NDUFAF2: variants seen among roughly 807,000 people sequenced by gnomAD.
NDUFAF2 encodes NADH:ubiquinone oxidoreductase complex assembly factor 2.
A neutral mutation model predicts 22.8 loss-of-function variants in NDUFAF2; 13 were observed. That is an observed-to-expected ratio of 0.57 (90% CI 0.37 to 0.91). The LOEUF (loss-of-function observed/expected upper bound fraction) is 0.91. Among genes scored for constraint, NDUFAF2 ranks in the 40% least tolerant of loss-of-function variants. NDUFAF2 has a pLI of 0.01. For missense variants in NDUFAF2, 162 were observed against 195.2 expected, an observed-to-expected ratio of 0.83 and a Z score of 1.01; for synonymous variants, 53 against 64.2, an observed-to-expected ratio of 0.83 and a Z score of 0.84.
chr5:60,952,768 A>C (rs1479266321), intron 1 of NDUFAF2, among the ~76,000 whole-genome samples: 1 of 152,148 alleles, frequency 6.6e-6, no homozygotes, highest in Admixed American at 6.5e-5. Flanking sequence ...TATTCTATCA[A>C]TTATTGAAAA....
At chr5:61,069,898 T>C (rs1752274549) in intron 1 of NDUFAF2, among the ~76,000 whole-genome samples, 1 of 152,142 alleles carries the variant, frequency 6.6e-6, no homozygotes, top group African/African-American at 2.4e-5. Context: ...AGCTTTTTCT[T>C]TTTTTAAAGT....
intron 1 of NDUFAF2, among the ~76,000 whole-genome samples, chr5:60,966,673 A>G (rs1392019737): frequency 6.6e-6 from 1 of 152,088 alleles, no homozygotes; most frequent in Non-Finnish European, 1.5e-5. Flanking sequence ...TGGTAAATGC[A>G]TGGCTTTATT....
chr5:60,958,974 A>G (rs943078392), intron 1 of NDUFAF2, among the ~76,000 whole-genome samples: 2 of 152,138 alleles, frequency 1.3e-5, no homozygotes, highest in Non-Finnish European at 2.9e-5. Flanking sequence ...ATAAGGATGA[A>G]TATATCAAAA....
At chr5:61,008,466 G>A (rs1056049256) in intron 1 of NDUFAF2, among the ~76,000 whole-genome samples, 10 of 152,052 alleles carry the variant, frequency 6.6e-5, no homozygotes, top group Non-Finnish European at 1.2e-4. Context: ...GAGCTTTACA[G>A]CCTTTAGAAT....
At chr5:61,007,630 G>A (rs1432708337) in intron 1 of NDUFAF2, among the ~76,000 whole-genome samples, 1 of 152,056 alleles carries the variant, frequency 6.6e-6, no homozygotes, top group Non-Finnish European at 1.5e-5. Context: ...TAGAATGGCA[G>A]TCATTAAAAA....
chr5:61,001,937 T>C (rs967863271), intron 1 of NDUFAF2, among the ~76,000 whole-genome samples: 5 of 152,152 alleles, frequency 3.3e-5, no homozygotes, highest in African/African-American at 1.2e-4. Flanking sequence ...TCATATTTCC[T>C]TAGCAGCTGG....
intron 1 of NDUFAF2, among the ~76,000 whole-genome samples, chr5:61,061,197 A>T (rs1419073036): frequency 1.3e-5 from 2 of 152,194 alleles, no homozygotes; most frequent in Non-Finnish European, 1.5e-5. Context: ...TGCAGAAGAA[A>T]GGGAAACTTT....
At chr5:61,045,302 A>AAATAAAATAAAATTTTATTAAATTTT (rs1212410721) in intron 1 of NDUFAF2, among the ~76,000 whole-genome samples, 2 of 147,520 alleles carry the variant, frequency 1.4e-5, no homozygotes, top group African/African-American at 4.9e-5. Flanking sequence ...AATTTTAATA[A>AAATAAAATAAAATTTTATTAAATTTT]AATAAAATAA....
At chr5:60,959,158 T>A (rs1037815447) in intron 1 of NDUFAF2, among the ~76,000 whole-genome samples, 3 of 152,094 alleles carry the variant, frequency 2.0e-5, no homozygotes, top group Admixed American at 1.3e-4. Context: ...ATAAGTCAAG[T>A]CTCTTGTTTT....
intron 1 of NDUFAF2, among the ~76,000 whole-genome samples, chr5:61,035,208 A>G (rs1413038092): frequency 2.0e-5 from 3 of 151,748 alleles, no homozygotes; most frequent in African/African-American, 7.3e-5. Context: ...CTGGGATTAC[A>G]GGCATGCTCC....
intron 3 of NDUFAF2, among the ~76,000 whole-genome samples, chr5:61,147,341 T>G (rs1308195619): frequency 1.3e-5 from 2 of 151,526 alleles, no homozygotes; most frequent in Non-Finnish European, 2.9e-5. Flanking sequence ...TTTGACCTCC[T>G]GGGCTCAAGT....
intron 1 of NDUFAF2, among the ~76,000 whole-genome samples, chr5:61,003,645 CTTTT>C (rs33941286): frequency 1.6e-5 from 2 of 121,762 alleles, no homozygotes; most frequent in African/African-American, 3.1e-5. Context: ...AAAATCTATA[CTTTT>C]TTTTTTTTTT....
chr5:61,066,063 C>T (rs1198669800), intron 1 of NDUFAF2, among the ~76,000 whole-genome samples: 1 of 151,876 alleles, frequency 6.6e-6, no homozygotes, highest in Non-Finnish European at 1.5e-5. Context: ...CATTTTAATA[C>T]ACAACCTAAC....
chr5:61,124,417 A>G (rs1753010783), intron 3 of NDUFAF2, among the ~76,000 whole-genome samples: 1 of 152,008 alleles, frequency 6.6e-6, no homozygotes, highest in African/African-American at 2.4e-5. Context: ...ATGTCAGATT[A>G]TGGAAAGATT....
intron 2 of NDUFAF2, among the ~76,000 whole-genome samples, chr5:61,091,363 TTAA>T (rs1056451636): frequency 1.1e-4 from 17 of 152,206 alleles, no homozygotes; most frequent in African/African-American, 4.1e-4. Context: ...TTTTGACTTT[TTAA>T]TAATAGCCAT....
intron 2 of NDUFAF2, among the ~76,000 whole-genome samples, chr5:61,095,658 C>T (rs1439307534): frequency 6.6e-6 from 1 of 152,196 alleles, no homozygotes. Flanking sequence ...GTCCACACAG[C>T]TCTGTGTCAG....
chr5:61,043,074 G>A (rs572601059), intron 1 of NDUFAF2, among the ~76,000 whole-genome samples: 89 of 152,230 alleles, frequency 5.8e-4, no homozygotes, highest in African/African-American at 2.1e-3. Context: ...ACAAAAATTA[G>A]CCAGGCATGG....
intron 1 of NDUFAF2, among the ~76,000 whole-genome samples, chr5:60,999,309 C>T (rs759884722): frequency 6.6e-6 from 1 of 152,008 alleles, no homozygotes; most frequent in East Asian, 1.9e-4. Context: ...AGGCAAAAAA[C>T]AACCCAATCA....
At chr5:61,136,018 T>TATATATAC (rs2111819733) in intron 3 of NDUFAF2, among the ~76,000 whole-genome samples, 1 of 30,398 alleles carries the variant, frequency 3.3e-5, no homozygotes, top group Non-Finnish European at 8.7e-5. Flanking sequence ...TATATATATA[T>TATATATAC]ATATATATAT....
Sources: allele counts gnomAD v4.1 joint callset (sites outside exome capture counted in the v4.1 genomes callset), GRCh38; gene constraint gnomAD v4.1.1; transcripts MANE v1.5; gene names NCBI Gene and HGNC (gene_info 2026-07-23, HGNC 2026-07-21).